The following C5 variants were observed in gnomAD, a reference collection of about 807,000 sequenced individuals.
The protein encoded by C5 is C3 and PZP-like alpha-2-macroglobulin domain-containing protein 4.
In C5, 140 loss-of-function variants were observed where a neutral mutation model predicts 218.8. The observed-to-expected ratio is 0.64, with a 90% CI of 0.56 to 0.74. C5 has a LOEUF of 0.74. Ranked by LOEUF, C5 falls within the 30% of genes least tolerant of loss-of-function variation. C5 has a pLI of 0.00. For synonymous variants in C5, 614 were observed against 682.3 expected (o/e 0.90, Z 1.56); for missense variants, 1,700 against 1,969.6 (o/e 0.86, Z 2.59).
At chr9:120,984,046 T>C (rs1344374953) in intron 25 of C5, among the ~76,000 whole-genome samples, 1 of 152,208 alleles carries the variant, frequency 6.6e-6, no homozygotes, top group Non-Finnish European at 1.5e-5. Flanking sequence ...TAGAGATCTA[T>C]ATTAATACAT....
At chr9:121,026,943 G>C (rs982215146) in intron 8 of C5, among the ~76,000 whole-genome samples, 2 of 152,146 alleles carry the variant, frequency 1.3e-5, no homozygotes, top group South Asian at 2.1e-4. Context: ...TTAATACAAA[G>C]GGGAGGGAGG....
intron 33 of C5, among the ~76,000 whole-genome samples, chr9:120,968,570 G>T (rs1401171627): frequency 6.6e-6 from 1 of 152,180 alleles, no homozygotes; most frequent in Non-Finnish European, 1.5e-5. Flanking sequence ...TTGGGAGAGG[G>T]TTTAACATCA....
chr9:120,961,907 A>G (rs887628243), intron 36 of C5, among the ~76,000 whole-genome samples: 6 of 152,340 alleles, frequency 3.9e-5, no homozygotes, highest in African/African-American at 1.4e-4. Flanking sequence ...GAAGAAAAGC[A>G]TATATCTATG....
At chr9:121,072,423 A>G in the C5 span, among the ~76,000 whole-genome samples, 1 of 152,168 alleles carries the variant, frequency 6.6e-6, no homozygotes, top group Non-Finnish European at 1.5e-5. Context: ...AACCGAAACG[A>G]TGGGTGTCAA....
chr9:121,025,487 G>C lies in C5; in HGVS notation c.967C>G (p.Leu323Val). 6.2e-7 allele frequency: 1 copy of C among 1,610,594 alleles called. No homozygotes were observed. Among genetic ancestry groups the C allele is most frequent in the South Asian group, 1.1e-5 (1 of 91,006 alleles). Residue 323 changes from leucine to valine, a missense_variant, in exon 9 of 41, where the codon CTT becomes GTT. Coordinates refer to ENST00000223642, the MANE Select transcript of C5 (RefSeq NM_001735.3). ...TCTATGACTGTTACAGCAATATAAA[G>C]GTACTTGTTGTTTAAATCTTCTAAA... Reference protein sequence around the residue: ...YSLEDLNNKYLYIAVTVIEST... With the variant: ...YSLEDLNNKYVYIAVTVIEST...
intron 31 of C5, among the ~76,000 whole-genome samples, chr9:120,971,507 C>T (rs557487637): frequency 5.9e-5 from 9 of 152,202 alleles, no homozygotes; most frequent in African/African-American, 1.9e-4. Flanking sequence ...TGTGCCATCT[C>T]GGCTCACTGC....
chr9:120,970,814 G>A (rs982338562), intron 31 of C5, among the ~76,000 whole-genome samples: 1 of 152,184 alleles, frequency 6.6e-6, no homozygotes, highest in Admixed American at 6.5e-5. Flanking sequence ...TTAATAGGAT[G>A]TTAATTTATG....
In C5 at chr9:121,017,465, A is replaced by G. The variant is rs1387549096; in HGVS notation, c.1763T>C (p.Val588Ala). Residue 588 changes from valine (V) to alanine (A), a missense_variant, in exon 14 of 41, where the codon GTG becomes GCG. Transcript: ENST00000223642. ...CATTCCAGTTGCCATATTAAGAGAC[A>G]CAGTTTGGCCTGGAGAATATGCATC... ...DADAYSPGQT[V>A]SLNMATGMDS... 1 of 1,613,918 alleles carries G rather than the reference A, an allele frequency of 6.2e-7. No homozygotes were observed. The highest frequency in any genetic ancestry group is 2.2e-5 in the East Asian group (1 of 44,886).
chr9:120,955,697 A>T (rs892471686), intron 39 of C5, among the ~76,000 whole-genome samples: 1 of 152,184 alleles, frequency 6.6e-6, no homozygotes, highest in African/African-American at 2.4e-5. Context: ...TCAAAATAAC[A>T]AAAATTTAAA....
chr9:121,047,926 T>C (rs1007725395), intron 1 of C5, among the ~76,000 whole-genome samples: 7 of 152,300 alleles, frequency 4.6e-5, no homozygotes, highest in Admixed American at 4.6e-4. Flanking sequence ...ATACTTTATT[T>C]GTATAAACTC....
chr9:120,996,589 G>GC (rs2047118030), intron 21 of C5, among the ~76,000 whole-genome samples: 1 of 152,206 alleles, frequency 6.6e-6, no homozygotes, highest in Non-Finnish European at 1.5e-5. Context: ...TGAGGTTGGT[G>GC]CTGTTATTAC....
intron 23 of C5, 86 bp downstream of exon 23, chr9:120,991,105 G>T: frequency 1.1e-6 from 1 of 870,716 alleles, no homozygotes. Flanking sequence ...CACGGAAGTG[G>T]AGAAACAGAA....
intron 22 of C5, among the ~76,000 whole-genome samples, chr9:120,994,494 A>G (rs552439439): frequency 3.5e-4 from 53 of 152,162 alleles, no homozygotes; most frequent in African/African-American, 1.3e-3. Flanking sequence ...GAGGCAGGAG[A>G]ATCGCTTGAA....
chr9:120,980,002 A>G, intron 28 of C5, 81 bp downstream of exon 28: 1 of 1,263,120 alleles, frequency 7.9e-7, no homozygotes, highest in Non-Finnish European at 1.2e-6. Context: ...TCAAGTTCAC[A>G]TGTCACCACC....
the C5 span, among the ~76,000 whole-genome samples, chr9:121,062,813 C>A: frequency 6.6e-6 from 1 of 152,160 alleles, no homozygotes; most frequent in Non-Finnish European, 1.5e-5. Flanking sequence ...AGCCTCTGTG[C>A]TTTCTGATGA....
chr9:121,007,124 C>T lies in C5; in HGVS notation c.2349-147G>A, dbSNP rs2047222514. The T allele has an allele frequency of 4.4e-6, 3 of 681,034 alleles. No individual in the cohort carries two copies. In the South Asian group the frequency reaches 4.8e-5, roughly 11 times the overall value. 42.2% of individuals were successfully genotyped at this position (681,034 alleles called of 1,614,324 possible). A position where few individuals can be genotyped will look rare whatever the true frequency, so the allele number is the denominator to read the frequency against. On this transcript the variant is annotated intron_variant, in intron 18 of 40. Coordinates refer to ENST00000223642, the MANE Select transcript of C5 (RefSeq NM_001735.3). ...ATGAAATCACATCATTAAGGAAAACCTCATCAAGAAAAATATATTCAGTAA... is the reference window on the plus strand; with the variant it reads ...ATGAAATCACATCATTAAGGAAAACTTCATCAAGAAAAATATATTCAGTAA...
chr9:120,968,541 T>C (rs769862599), intron 33 of C5, among the ~76,000 whole-genome samples: 12 of 152,128 alleles, frequency 7.9e-5, no homozygotes, highest in African/African-American at 2.7e-4. Flanking sequence ...CAGTGGCCAA[T>C]TGAGGCCTCG....
chr9:121,020,756 G>C (rs533252142), intron 11 of C5, among the ~76,000 whole-genome samples: 1 of 152,292 alleles, frequency 6.6e-6, no homozygotes, highest in African/African-American at 2.4e-5. Context: ...GTACACACTG[G>C]TTCACATACC....
At chr9:121,040,722 T>C (rs1451683003) in intron 3 of C5, among the ~76,000 whole-genome samples, 1 of 152,122 alleles carries the variant, frequency 6.6e-6, no homozygotes, top group Non-Finnish European at 1.5e-5. Flanking sequence ...ATCTCTATTT[T>C]ACAAGTGAGG....
Sources: gnomAD v4.1 joint callset for allele counts (sites outside exome capture counted in the v4.1 genomes callset) on GRCh38, gnomAD v4.1.1 for gene constraint, MANE v1.5 for transcripts, NCBI Gene and HGNC (gene_info 2026-07-23, HGNC 2026-07-21) for gene names.